SMC1B: variants seen among roughly 807,000 people sequenced by gnomAD.
SMC1B encodes the protein structural maintenance of chromosomes protein 1B.
SMC1B carries 60 observed loss-of-function variants against 157.9 expected under a neutral mutation model. The observed-to-expected ratio is 0.38, with a 90% CI of 0.31 to 0.47. The LOEUF is 0.47. Among genes scored for constraint, SMC1B ranks in the 20% least tolerant of loss-of-function variants. The probability of loss-of-function intolerance (pLI) is 0.99; values close to 1 mark genes in which losing one functional copy is unlikely to be tolerated. For synonymous variants in SMC1B, 445 were observed against 483.0 expected (o/e 0.92, Z 1.03); for missense variants, 1,165 against 1,426.2 (o/e 0.82, Z 2.95).
Position 45,408,857 on chromosome 22 carries a change from C to T in SMC1B, c.151G>A (p.Glu51Lys), listed in dbSNP as rs750662546. ...VMDALSFVMGEKIANLRVKNI... is the reference protein window; with the variant it reads ...VMDALSFVMGKKIANLRVKNI... The stretch of plus-strand genomic sequence containing the variant: ...TTCACTCTTAAATTAGCTATTTTCT[C>T]TCCCATTACAAAACTAAGTGCATCC... The change falls in exon 2 of 25, where the codon GAG becomes AAG. Residue 51 changes from glutamate (E) to lysine (K), a missense_variant. By Grantham distance (56) the Glu-to-Lys change is moderately conservative (BLOSUM62 1). Coordinates refer to ENST00000357450, the MANE Select transcript of SMC1B (RefSeq NM_148674.5). 6.4e-7 allele frequency: 1 copy of T among 1,558,152 alleles called. No homozygotes were observed. The highest frequency in any genetic ancestry group is 8.6e-7 in the Non-Finnish European group (1 of 1,157,942).
chr22:45,362,404 C>T (rs2086730239), intron 16 of SMC1B, among the ~76,000 whole-genome samples: 1 of 152,168 alleles, frequency 6.6e-6, no homozygotes, highest in African/African-American at 2.4e-5. Context: ...GCTAAGTGAC[C>T]ACCTTCCAGA....
At chr22:45,358,507 G>A (rs2086690399) in intron 19 of SMC1B, among the ~76,000 whole-genome samples, 190 bp downstream of exon 19, 4 of 152,148 alleles carry the variant, frequency 2.6e-5, no homozygotes, top group African/African-American at 9.7e-5. Context: ...ATTGCTTGGT[G>A]TGGCAGAGAC....
intron 2 of SMC1B, among the ~76,000 whole-genome samples, chr22:45,407,998 A>T (rs566506355): frequency 6.6e-6 from 1 of 152,260 alleles, no homozygotes; most frequent in Non-Finnish European, 1.5e-5. Context: ...TGGTGGTAGA[A>T]AAAACTGTCT....
chr22:45,350,769 A>G (rs2086607526), intron 22 of SMC1B, among the ~76,000 whole-genome samples: 1 of 152,174 alleles, frequency 6.6e-6, no homozygotes, highest in Non-Finnish European at 1.5e-5. Flanking sequence ...AAACCCACAG[A>G]GCCATCCCCT....
intron 22 of SMC1B, among the ~76,000 whole-genome samples, chr22:45,350,083 T>C (rs2086596338): frequency 6.6e-6 from 1 of 152,084 alleles, no homozygotes. Context: ...TTTCTGAGTC[T>C]GCTGAGAACT....
At chr22:45,379,840 C>T (rs941222018) in intron 12 of SMC1B, among the ~76,000 whole-genome samples, 1 of 143,786 alleles carries the variant, frequency 7.0e-6, no homozygotes. Context: ...GCAAGCGAAT[C>T]TCCTGCCCCA....
intron 12 of SMC1B, among the ~76,000 whole-genome samples, chr22:45,374,380 A>C (rs572044314): frequency 6.6e-6 from 1 of 152,120 alleles, no homozygotes; most frequent in Non-Finnish European, 1.5e-5. Flanking sequence ...GTAAAAAATT[A>C]CTCTTGCAAC....
chr22:45,397,224 A>G (rs773312392), intron 6 of SMC1B, among the ~76,000 whole-genome samples: 4 of 152,152 alleles, frequency 2.6e-5, no homozygotes, highest in Non-Finnish European at 5.9e-5. Flanking sequence ...TCTATTTTAA[A>G]CAGTCTTTTA....
intron 23 of SMC1B, among the ~76,000 whole-genome samples, chr22:45,348,080 G>A (rs1435944844): frequency 1.3e-5 from 2 of 152,174 alleles, no homozygotes; most frequent in Non-Finnish European, 2.9e-5. Context: ...CTGTCAATTT[G>A]TTTGGGCTGA....
chr22:45,386,920 C>T lies in SMC1B; in HGVS notation c.1858G>A (p.Glu620Lys). Reference protein sequence around the residue: ...QFVCGNGLVCETMEEARHIAL... With the variant: ...QFVCGNGLVCKTMEEARHIAL... ...ATATGCCTTGCTTCTTCCATAGTCT[C>T]ACAAACAAGACCATTTCCACACACA... is the stretch of plus-strand genomic sequence containing the variant. Residue 620 changes from glutamate to lysine, a missense_variant, in exon 11 of 25, where the codon GAG becomes AAG. Transcript: ENST00000357450. 1 of 1,614,110 alleles carries T rather than the reference C, an allele frequency of 6.2e-7. No homozygotes were observed. The highest frequency in any genetic ancestry group is 1.1e-5 in the South Asian group (1 of 91,084).
At chr22:45,383,396 A>T (rs966394625) in intron 12 of SMC1B, 71 bp downstream of exon 12, 1 of 1,215,418 alleles carries the variant, frequency 8.2e-7, no homozygotes, top group African/African-American at 1.6e-5. Flanking sequence ...CTGTTATTAT[A>T]AAAAACCCAC....
rs1367771972 is a variant in SMC1B at position 45,359,854 on chromosome 22, A to G, written c.2813T>C (p.Ile938Thr). ...NLLLDCKVQD[I>T]EIILLSGSLD... Reference sequence around the variant, plus strand: ...TGACCCCGACAAAAGGATTATCTCAATGTCTTGCACTTTGCAATCAAGCAG... The same window carrying G: ...TGACCCCGACAAAAGGATTATCTCAGTGTCTTGCACTTTGCAATCAAGCAG... Residue 938 changes from isoleucine (I) to threonine (T), a missense_variant, in exon 18 of 25, where the codon ATT (isoleucine) becomes ACT (threonine). Ile to Thr is a moderately conservative substitution (Grantham distance 89). Coordinates refer to ENST00000357450, the MANE Select transcript of SMC1B (RefSeq NM_148674.5). 1.9e-6 allele frequency: 3 copies of G among 1,613,962 alleles called. No individual in the cohort carries two copies. Among genetic ancestry groups the G allele is most frequent in the East Asian group, 2.2e-5 (1 of 44,888 alleles).
chr22:45,387,168 G>T (rs2086998392), intron 10 of SMC1B, 122 bp from the exon 11 acceptor site: 1 of 847,362 alleles, frequency 1.2e-6, no homozygotes, highest in Non-Finnish European at 1.8e-6. Context: ...TATGTACCCA[G>T]CCAGGCGTGA....
chr22:45,387,505 A>G (rs966089491), intron 10 of SMC1B, among the ~76,000 whole-genome samples: 7 of 152,214 alleles, frequency 4.6e-5, no homozygotes, highest in African/African-American at 1.2e-4. Context: ...AAGATTGATA[A>G]GAACATGATG....
Position 45,402,481 on chromosome 22 carries a change from G to T in SMC1B, c.706C>A (p.His236Asn). 1 of 1,613,874 alleles carries T rather than the reference G, an allele frequency of 6.2e-7. No homozygotes were observed. The highest frequency in any genetic ancestry group is 8.5e-7 in the Non-Finnish European group (1 of 1,179,900). The change falls in exon 5 of 25, where the codon CAT becomes AAT. Residue 236 changes from histidine to asparagine, a missense_variant. Physicochemically the swap from His to Asn is moderately conservative, Grantham distance 68. Coordinates refer to ENST00000357450, the MANE Select transcript of SMC1B (RefSeq NM_148674.5). ...TGCTCTAACTTGGTGTTCAGGAGATGAATCTTTTTCTCATTATGGTATAGT... is the reference window on the plus strand; with the variant it reads ...TGCTCTAACTTGGTGTTCAGGAGATTAATCTTTTTCTCATTATGGTATAGT... Reference protein sequence around the residue: ...FQLYHNEKKIHLLNTKLEHVN... With the variant: ...FQLYHNEKKINLLNTKLEHVN...
At chr22:45,347,493 C>T (rs1357014641) in intron 23 of SMC1B, among the ~76,000 whole-genome samples, 1 of 152,200 alleles carries the variant, frequency 6.6e-6, no homozygotes, top group Non-Finnish European at 1.5e-5. Context: ...AGGAGGTCAG[C>T]TTCAGAGGTG....
intron 5 of SMC1B, among the ~76,000 whole-genome samples, chr22:45,401,549 G>A (rs1031325010): frequency 2.0e-5 from 3 of 152,206 alleles, no homozygotes; most frequent in African/African-American, 7.2e-5. Flanking sequence ...AGGGTGGGAT[G>A]GCCAGCTTCT....
chr22:45,358,668 G>A, intron 19 of SMC1B, 29 bp downstream of exon 19: 1 of 1,306,568 alleles, frequency 7.7e-7, no homozygotes, highest in Non-Finnish European at 1.1e-6. Context: ...ATTACTGTGA[G>A]TGATAAACAA....
chr22:45,409,864 T>C (rs577579603), intron 1 of SMC1B, among the ~76,000 whole-genome samples: 5 of 152,348 alleles, frequency 3.3e-5, no homozygotes, highest in African/African-American at 9.6e-5. Flanking sequence ...GAACATATGC[T>C]TTCTTTCTAG....
Sources: allele counts gnomAD v4.1 joint callset (sites outside exome capture counted in the v4.1 genomes callset), GRCh38; gene constraint gnomAD v4.1.1; transcripts MANE v1.5; gene names NCBI Gene and HGNC (gene_info 2026-07-23, HGNC 2026-07-21).